Variants in WWOX observed in about 807,000 individuals in gnomAD.
WWOX encodes WW domain containing oxidoreductase.
Under a neutral mutation model 46.2 loss-of-function variants are expected in WWOX, and 69 were observed. The observed-to-expected ratio is 1.49, with a 90% CI of 1.23 to 1.82. The LOEUF (loss-of-function observed/expected upper bound fraction) is 1.82, where lower values mean the gene tolerates loss of function less well. WWOX is among the 40% of genes most tolerant of loss of function. WWOX has a pLI of 0.00. For missense variants in WWOX, 919 were observed against 542.6 expected (o/e 1.69, Z -6.89); for synonymous variants, 359 against 202.6 (o/e 1.77, Z -6.56).
chr16:79,115,813 G>A (rs2049504956), intron 8 of WWOX, among the ~76,000 whole-genome samples: 1 of 152,176 alleles, frequency 6.6e-6, no homozygotes, highest in Non-Finnish European at 1.5e-5. Context: ...GAAGGAAACA[G>A]AGAGCATATA....
chr16:78,111,227 A>G (rs150861292), intron 3 of WWOX, among the ~76,000 whole-genome samples: 2,838 of 152,284 alleles, frequency 0.019, 51 homozygotes, highest in Non-Finnish European at 0.025. Flanking sequence ...GAGGCAAGAG[A>G]CTGAAGGCAC....
intron 8 of WWOX, among the ~76,000 whole-genome samples, chr16:78,845,467 A>G (rs1419899980): frequency 6.6e-6 from 1 of 152,192 alleles, no homozygotes; most frequent in African/African-American, 2.4e-5. Flanking sequence ...TATGGCCACA[A>G]AGTATGCTCA....
chr16:78,822,595 A>C (rs2051533153), intron 8 of WWOX, among the ~76,000 whole-genome samples: 1 of 152,232 alleles, frequency 6.6e-6, no homozygotes, highest in Non-Finnish European at 1.5e-5. Flanking sequence ...AAGTCTTCAG[A>C]GCCTAGATAT....
chr16:78,762,878 CATG>C (rs1221062988), intron 8 of WWOX, among the ~76,000 whole-genome samples: 1 of 152,158 alleles, frequency 6.6e-6, no homozygotes, highest in African/African-American at 2.4e-5. Context: ...TTGAAGGACT[CATG>C]GTAGTTAACA....
chr16:78,381,513 T>G (rs1051883283), intron 5 of WWOX, among the ~76,000 whole-genome samples: 2 of 152,034 alleles, frequency 1.3e-5, no homozygotes, highest in African/African-American at 4.8e-5. Flanking sequence ...GCCTGATGCT[T>G]CACATGTGGG....
chr16:78,451,513 C>T (rs1185993040), intron 8 of WWOX, among the ~76,000 whole-genome samples: 2 of 152,168 alleles, frequency 1.3e-5, no homozygotes, highest in Admixed American at 1.3e-4. Context: ...GTTGAAGAAA[C>T]CAGCCTGGAA....
chr16:78,528,165 ATTTT>A (rs56803717), intron 8 of WWOX, among the ~76,000 whole-genome samples: 15 of 58,396 alleles, frequency 2.6e-4, no homozygotes, highest in South Asian at 1.6e-3. Context: ...CACCTGGCTA[ATTTT>A]TTTTTTTTTT....
intron 5 of WWOX, among the ~76,000 whole-genome samples, chr16:78,220,491 C>T (rs748735480): frequency 1.3e-5 from 2 of 152,094 alleles, no homozygotes; most frequent in African/African-American, 2.4e-5. Flanking sequence ...TCGACAGTCT[C>T]CCATGGTTAT....
chr16:78,800,322 C>T (rs1302844417), intron 8 of WWOX, among the ~76,000 whole-genome samples: 3 of 151,728 alleles, frequency 2.0e-5, no homozygotes, highest in Admixed American at 2.0e-4. Flanking sequence ...TAAATGTGTA[C>T]CGTGTGCTTT....
At position 78,578,361 on chromosome 16, in the gene WWOX, C is replaced by T. The variant is rs533226570; in HGVS notation, c.1056+145609C>T. Among the ~76,000 whole-genome samples the T allele has an allele frequency of 3.1e-3, 411 of 134,530 alleles. 1 individual carries two copies. The highest frequency in any genetic ancestry group is 0.015 in the South Asian group (62 of 4,078). The allele number at this position is 134,530 out of a possible 152,430, so 88.3% of individuals were successfully genotyped here. On this transcript the variant is annotated intron_variant, in intron 8 of 8. Transcript: ENST00000566780. ...CTGGAGTGCAGTGGCGCAATCTCGG[C>T]TCACTGCAAGCTCCGCCTCCCGGGT...
chr16:78,436,613 A>T (rs1168489388), intron 8 of WWOX, among the ~76,000 whole-genome samples: 1 of 152,202 alleles, frequency 6.6e-6, no homozygotes, highest in Non-Finnish European at 1.5e-5. Context: ...GGTTTTTGCC[A>T]TTGAAAGTAA....
At chr16:78,269,849 T>G (rs1408556963) in intron 5 of WWOX, among the ~76,000 whole-genome samples, 1 of 151,872 alleles carries the variant, frequency 6.6e-6, no homozygotes, top group African/African-American at 2.4e-5. Context: ...AGTGGCTAAT[T>G]TGAAAAATGT....
chr16:79,210,820 C>A (rs997084141), intron 8 of WWOX, among the ~76,000 whole-genome samples: 21 of 152,122 alleles, frequency 1.4e-4, no homozygotes, highest in African/African-American at 5.1e-4. Flanking sequence ...ACGTCCCTAG[C>A]CACAGCCGCA....
At chr16:78,189,584 G>C (rs891975877) in intron 5 of WWOX, among the ~76,000 whole-genome samples, 1 of 152,196 alleles carries the variant, frequency 6.6e-6, no homozygotes, top group African/African-American at 2.4e-5. Context: ...AAGAGATCAA[G>C]TAGTTAACAG....
intron 5 of WWOX, among the ~76,000 whole-genome samples, chr16:78,376,035 A>G (rs1219700165): frequency 2.0e-5 from 3 of 152,092 alleles, no homozygotes; most frequent in African/African-American, 7.2e-5. Context: ...ATTTTTGTAG[A>G]GATGGGGTTT....
chr16:78,815,944 T>G (rs2051318662), intron 8 of WWOX, among the ~76,000 whole-genome samples: 1 of 152,184 alleles, frequency 6.6e-6, no homozygotes, highest in South Asian at 2.1e-4. Flanking sequence ...CTGCTCTCTC[T>G]CGATGTTCCC....
At chr16:78,702,039 ATATAT>A (rs1224736412) in intron 8 of WWOX, among the ~76,000 whole-genome samples, 18 of 128,520 alleles carry the variant, frequency 1.4e-4, no homozygotes, top group Non-Finnish European at 2.0e-4. Flanking sequence ...ATATATATAT[ATATAT>A]AAAATAATGC....
intron 8 of WWOX, among the ~76,000 whole-genome samples, chr16:79,160,559 G>A (rs1336425518): frequency 3.3e-5 from 5 of 152,190 alleles, no homozygotes; most frequent in African/African-American, 1.2e-4. Flanking sequence ...ATTCTGAGGT[G>A]AAGTGGAGGC....
At chr16:79,007,117 A>G (rs2047206930) in intron 8 of WWOX, among the ~76,000 whole-genome samples, 1 of 152,220 alleles carries the variant, frequency 6.6e-6, no homozygotes, top group South Asian at 2.1e-4. Context: ...TCACAATAGC[A>G]AATGACACAG....
Sources: gnomAD v4.1 joint callset for allele counts (sites outside exome capture counted in the v4.1 genomes callset) on GRCh38, gnomAD v4.1.1 for gene constraint, MANE v1.5 for transcripts, NCBI Gene and HGNC (gene_info 2026-07-23, HGNC 2026-07-21) for gene names.